Variants in RALYL observed in about 807,000 individuals in gnomAD.
RALYL encodes the protein RNA-binding Raly-like protein.
Under a neutral mutation model 35.1 loss-of-function variants are expected in RALYL, and 29 were observed. That is an observed-to-expected ratio of 0.83 (90% confidence interval 0.61 to 1.13). RALYL has a LOEUF of 1.13. Among genes scored for constraint, RALYL ranks in the 50% most tolerant of loss-of-function variants. The pLI is 0.00. For synonymous variants in RALYL, 120 were observed against 127.6 expected (o/e 0.94, Z 0.40); for missense variants, 359 against 360.4 (o/e 1.00, Z 0.03).
At chr8:84,274,070 G>A (rs998226349) in intron 1 of RALYL, among the ~76,000 whole-genome samples, 2 of 151,928 alleles carry the variant, frequency 1.3e-5, no homozygotes, top group African/African-American at 4.8e-5. Flanking sequence ...TTAACCTTTT[G>A]TGATGCCCCC....
chr8:84,669,026 A>G (rs186236611), intron 2 of RALYL, among the ~76,000 whole-genome samples: 2 of 152,142 alleles, frequency 1.3e-5, no homozygotes, highest in Non-Finnish European at 2.9e-5. Flanking sequence ...CATTTACTCA[A>G]TGATTATCAA....
At chr8:84,861,591 T>A (rs1838105378) in intron 5 of RALYL, among the ~76,000 whole-genome samples, 2 of 152,172 alleles carry the variant, frequency 1.3e-5, no homozygotes, top group Admixed American at 1.3e-4. Context: ...TTTGCAAATC[T>A]AACAAATGGT....
At chr8:84,272,032 GATT>G (rs1397085045) in intron 1 of RALYL, among the ~76,000 whole-genome samples, 1 of 152,050 alleles carries the variant, frequency 6.6e-6, no homozygotes, top group Non-Finnish European at 1.5e-5. Flanking sequence ...GAGATTCTAA[GATT>G]ATTTTCTGTT....
intron 3 of RALYL, among the ~76,000 whole-genome samples, chr8:84,784,210 A>T (rs898673696): frequency 1.3e-5 from 2 of 152,184 alleles, no homozygotes; most frequent in Non-Finnish European, 2.9e-5. Context: ...ACATGCAGAG[A>T]TGCTTTAGCA....
At chr8:84,284,307 A>G (rs1157240051) in intron 1 of RALYL, among the ~76,000 whole-genome samples, 3 of 152,162 alleles carry the variant, frequency 2.0e-5, no homozygotes, top group Admixed American at 6.6e-5. Context: ...TCAGAAAGTC[A>G]AGCAGTAATG....
chr8:84,873,130 T>C, intron 6 of RALYL, 154 bp from the exon 7 acceptor site: 2 of 469,426 alleles, frequency 4.3e-6, no homozygotes, highest in Non-Finnish European at 7.7e-6. Context: ...TATTCCAGGA[T>C]CACTAGAAGT....
intron 1 of RALYL, among the ~76,000 whole-genome samples, chr8:84,416,447 G>T (rs1279631519): frequency 1.3e-5 from 2 of 152,192 alleles, no homozygotes; most frequent in Non-Finnish European, 2.9e-5. Flanking sequence ...AGTAGGCAAA[G>T]AGGCTGAATA....
intron 1 of RALYL, among the ~76,000 whole-genome samples, chr8:84,307,713 C>T (rs182677972): frequency 1.6e-3 from 251 of 152,178 alleles, no homozygotes; most frequent in African/African-American, 5.8e-3. Flanking sequence ...GAGCAAGGAC[C>T]GCCCCAGTTA....
intron 2 of RALYL, among the ~76,000 whole-genome samples, chr8:84,770,793 C>T (rs1307892134): frequency 6.6e-6 from 1 of 152,028 alleles, no homozygotes; most frequent in Non-Finnish European, 1.5e-5. Context: ...TTTCCCTGAT[C>T]ATTAGTGAAG....
At chr8:84,720,973 A>G (rs1407044281) in intron 2 of RALYL, among the ~76,000 whole-genome samples, 1 of 152,126 alleles carries the variant, frequency 6.6e-6, no homozygotes, top group Non-Finnish European at 1.5e-5. Context: ...TATTATTAAA[A>G]AGACAAAAGG....
chr8:84,539,609 T>C (rs897609599), intron 2 of RALYL, among the ~76,000 whole-genome samples: 7 of 151,946 alleles, frequency 4.6e-5, no homozygotes, highest in South Asian at 2.1e-4. Context: ...CATAAAGACA[T>C]GCTTCTGTGT....
intron 3 of RALYL, among the ~76,000 whole-genome samples, chr8:84,782,966 G>A (rs1474879927): frequency 1.7e-5 from 2 of 115,074 alleles, no homozygotes; most frequent in Non-Finnish European, 3.6e-5. Context: ...GAGAATGTAG[G>A]GTCTTGAGCG....
At chr8:84,594,272 T>C (rs1179265020) in intron 2 of RALYL, among the ~76,000 whole-genome samples, 1 of 152,082 alleles carries the variant, frequency 6.6e-6, no homozygotes, top group Non-Finnish European at 1.5e-5. Context: ...CAGTGCAGTC[T>C]ACAATAAATT....
intron 2 of RALYL, among the ~76,000 whole-genome samples, chr8:84,635,858 T>G (rs1297321613): frequency 6.6e-6 from 1 of 151,790 alleles, no homozygotes; most frequent in African/African-American, 2.4e-5. Flanking sequence ...CTTTCTCATT[T>G]TCAACCATTA....
chr8:84,692,046 A>T (rs976303963), intron 2 of RALYL, among the ~76,000 whole-genome samples: 6 of 152,054 alleles, frequency 3.9e-5, no homozygotes, highest in Admixed American at 2.0e-4. Context: ...TTTTAAAAAA[A>T]ACTTTGGAAA....
chr8:84,366,805 G>A (rs1441412213), intron 1 of RALYL, among the ~76,000 whole-genome samples: 1 of 146,474 alleles, frequency 6.8e-6, no homozygotes, highest in South Asian at 2.2e-4. Flanking sequence ...TATCCTGGGA[G>A]TTTGTCAGTC....
chr8:84,222,459 A>C (rs927421055), intron 1 of RALYL, among the ~76,000 whole-genome samples: 1 of 152,170 alleles, frequency 6.6e-6, no homozygotes, highest in Non-Finnish European at 1.5e-5. Context: ...TAACAGAAGT[A>C]CAACAGTGAG....
At chr8:84,496,710 C>G (rs890598279) in intron 1 of RALYL, among the ~76,000 whole-genome samples, 4 of 152,070 alleles carry the variant, frequency 2.6e-5, no homozygotes, top group Non-Finnish European at 4.4e-5. Context: ...TATCTATCAT[C>G]AACTATCTAT....
At chr8:84,191,932 TTCAG>T (rs775292403) in intron 1 of RALYL, among the ~76,000 whole-genome samples, 31 of 152,060 alleles carry the variant, frequency 2.0e-4, no homozygotes, top group East Asian at 7.7e-4. Context: ...AAGTAAGTGA[TTCAG>T]TCAAAGATGA....
Sources: allele counts gnomAD v4.1 joint callset (sites outside exome capture counted in the v4.1 genomes callset), GRCh38; gene constraint gnomAD v4.1.1; transcripts MANE v1.5; gene names NCBI Gene and HGNC (gene_info 2026-07-23, HGNC 2026-07-21).